MAP7D1: variants seen among roughly 807,000 people sequenced by gnomAD.
MAP7D1 encodes MAP7 domain containing 1, also known as MAP7 domain-containing protein 1.
In MAP7D1, 30 loss-of-function variants were observed where a neutral mutation model predicts 97.5. That is an observed-to-expected ratio of 0.31 (90% CI 0.23 to 0.42). MAP7D1 has a LOEUF of 0.42. Among genes scored for constraint, MAP7D1 ranks in the 10% least tolerant of loss-of-function variants. The pLI, the probability that MAP7D1 is intolerant of heterozygous loss-of-function variation, is 1.00. For missense variants in MAP7D1, 1,184 were observed against 1,179.5 expected (o/e 1.00, Z -0.06); for synonymous variants, 536 against 477.1 (o/e 1.12, Z -1.61).
chr1:36,176,505 G>C lies in MAP7D1; in HGVS notation c.1157G>C (p.Gly386Ala). ...TRSVHRCAPA[G>A]ERGERRKPNA... is the part of the protein sequence containing the mutation. The stretch of plus-strand genomic sequence containing the variant: ...AGCGTGCACCGCTGCGCCCCCGCCG[G>C]TGAGCGCGGGGAGCGCCGCAAGCCC... Residue 386 changes from glycine (G) to alanine (A), a missense_variant, in exon 7 of 17, where the codon GGT (glycine) becomes GCT (alanine). Physicochemically the swap from Gly to Ala is moderately conservative, Grantham distance 60 (BLOSUM62 0). Coordinates refer to ENST00000474796, the MANE Select transcript of MAP7D1 (RefSeq NM_001388490.1). This position sits in a 1 kb window ranked among gnomAD's most constrained non-coding sequence, Gnocchi z 6.1. 7.3e-7 allele frequency: 1 copy of C among 1,377,302 alleles called. No homozygotes were observed. The highest frequency in any genetic ancestry group is 9.4e-7 in the Non-Finnish European group (1 of 1,066,824). The allele number at this position is 1,377,302 out of a possible 1,614,324, so 85.3% of individuals were successfully genotyped here.
At position 36,176,739 on chromosome 1, in the gene MAP7D1, AAGG is replaced by A. The variant is rs945041494; in HGVS notation, c.1279_1281del (p.Glu427del). On this transcript the variant is annotated inframe_deletion, in exon 8 of 17. Coordinates refer to ENST00000474796, the MANE Select transcript of MAP7D1 (RefSeq NM_001388490.1). The surrounding 1 kb of genome is among the most constrained non-coding windows in gnomAD (Gnocchi z 6.1). ...GAAGGACAAGGAGCGGGAAAACGAG[AAGG>A]AGAAGAGTGCCCTAGCCCGGGAGCG... The A allele has an allele frequency of 2.9e-5, 47 of 1,604,788 alleles. No individual in the cohort carries two copies. The highest frequency in any genetic ancestry group is 2.1e-4 in the Admixed American group (12 of 58,394).
At chr1:36,158,071 T>G (rs1414823990) in intron 1 of MAP7D1, among the ~76,000 whole-genome samples, 1 of 151,974 alleles carries the variant, frequency 6.6e-6, no homozygotes, top group Non-Finnish European at 1.5e-5. Context: ...TAGTTTATAA[T>G]TAGGATACTT....
chr1:36,176,875 T>C lies in MAP7D1; in HGVS notation c.1379+33T>C. The C allele has an allele frequency of 6.6e-7, 1 of 1,520,784 alleles. No homozygotes were observed. The highest frequency in any genetic ancestry group is 8.9e-7 in the Non-Finnish European group (1 of 1,119,612). 94.2% of individuals were successfully genotyped at this position (1,520,784 alleles called of 1,614,324 possible). On this transcript the variant is annotated intron_variant, in intron 8 of 16. Coordinates refer to ENST00000474796, the MANE Select transcript of MAP7D1 (RefSeq NM_001388490.1). The surrounding 1 kb of genome is among the most constrained non-coding windows in gnomAD (Gnocchi z 6.1). ...CGGGCGGTGCGAGGGACCCTGCCCC[T>C]CACCGGGTCATTTATTCATCACCCA...
chr1:36,156,388 G>A lies in MAP7D1; in HGVS notation c.-30G>A. ...TGGCCGCCGCCGCCGCCGCCGCTGA[G>A]ACCCCGAGACCCCCAGTGACGCCGC... On this transcript the variant is annotated 5_prime_UTR_variant, in exon 1 of 17. Coordinates refer to ENST00000474796, the MANE Select transcript of MAP7D1 (RefSeq NM_001388490.1). 6.7e-7 allele frequency: 1 copy of A among 1,483,800 alleles called. No homozygotes were observed. Among genetic ancestry groups the A allele is most frequent in the South Asian group, 1.3e-5 (1 of 79,094 alleles). 91.9% of individuals were successfully genotyped at this position (1,483,800 alleles called of 1,614,324 possible).
chr1:36,176,873 C>T lies in MAP7D1; in HGVS notation c.1379+31C>T, dbSNP rs1454252245. The T allele has an allele frequency of 6.5e-7, 1 of 1,532,160 alleles. No individual in the cohort carries two copies. Among genetic ancestry groups the T allele is most frequent in the Non-Finnish European group, 8.9e-7 (1 of 1,128,368 alleles). The allele number at this position is 1,532,160 out of a possible 1,614,324, so 94.9% of individuals were successfully genotyped here. A position where few individuals can be genotyped will look rare whatever the true frequency, so the allele number is the denominator to read the frequency against. On this transcript the variant is annotated intron_variant, in intron 8 of 16. Transcript: ENST00000474796. This position sits in a 1 kb window ranked among gnomAD's most constrained non-coding sequence, Gnocchi z 6.1. Reference sequence around the variant, plus strand: ...CGCGGGCGGTGCGAGGGACCCTGCCCCTCACCGGGTCATTTATTCATCACC... The same window carrying T: ...CGCGGGCGGTGCGAGGGACCCTGCCTCTCACCGGGTCATTTATTCATCACC...
At chr1:36,173,198 AATC>A (rs1324460345) in intron 4 of MAP7D1, among the ~76,000 whole-genome samples, 163 bp from the exon 5 acceptor site, 1 of 152,218 alleles carries the variant, frequency 6.6e-6, no homozygotes, top group African/African-American at 2.4e-5. Context: ...CTTGGTCCTT[AATC>A]ATAGCAAGGA....
chr1:36,166,992 G>A (rs1196805494), intron 1 of MAP7D1, among the ~76,000 whole-genome samples: 2 of 152,102 alleles, frequency 1.3e-5, no homozygotes, highest in African/African-American at 4.8e-5. Flanking sequence ...GTTAAATTGG[G>A]GGCATCTTTG....
chr1:36,161,870 T>TTTTGAATCCCAGTAA, intron 1 of MAP7D1, among the ~76,000 whole-genome samples: 1 of 130,276 alleles, frequency 7.7e-6, no homozygotes, highest in African/African-American at 2.8e-5. Flanking sequence ...TGCATGTGTG[T>TTTTGAATCCCAGTAA]GTGTGTATGT....
At chr1:36,179,385 A>G in intron 13 of MAP7D1, 70 bp downstream of exon 13, 1 of 1,595,536 alleles carries the variant, frequency 6.3e-7, no homozygotes, top group Middle Eastern at 1.7e-4. Context: ...GCGGAAAGGC[A>G]TCCATGGCCA....
At chr1:36,177,565 G>C (rs1644645103) in intron 8 of MAP7D1, 1 of 654,632 alleles carries the variant, frequency 1.5e-6, no homozygotes, top group Non-Finnish European at 2.9e-6. Flanking sequence ...TGAATGAATG[G>C]ACCTGTCAGG....
At chr1:36,179,396 C>T (rs1644683044) in intron 13 of MAP7D1, 81 bp downstream of exon 13, 5 of 1,586,748 alleles carry the variant, frequency 3.2e-6, no homozygotes, top group Non-Finnish European at 3.4e-6. Context: ...TCCATGGCCA[C>T]GGAGAGCGAG....
chr1:36,158,481 A>G (rs1053602282), intron 1 of MAP7D1, among the ~76,000 whole-genome samples: 7 of 152,194 alleles, frequency 4.6e-5, no homozygotes, highest in Admixed American at 4.6e-4. Flanking sequence ...TGTGGAGTAG[A>G]GGACAAGTGT....
At chr1:36,171,429 G>A in intron 2 of MAP7D1, 84 bp from the exon 3 acceptor site, 1 of 1,563,472 alleles carries the variant, frequency 6.4e-7, no homozygotes, top group Non-Finnish European at 8.8e-7. Flanking sequence ...AAAGGATGGG[G>A]TGAGGCCCGG....
Position 36,159,516 on chromosome 1 carries a change from C to T in MAP7D1, c.46+3053C>T, listed in dbSNP as rs1173964112. Among the ~76,000 whole-genome samples, 1 of 152,102 alleles carries T rather than the reference C, an allele frequency of 6.6e-6. No homozygotes were observed. Among genetic ancestry groups the T allele is most frequent in the Non-Finnish European group, 1.5e-5 (1 of 68,040 alleles). ...TCCAGGGAACGGAGGGGCCCCATAC[C>T]TGAAGTGGAACAGTGGGAACAGGAG... On this transcript the variant is annotated intron_variant, in intron 1 of 16. Transcript: ENST00000474796. This position sits in a 1 kb window ranked among gnomAD's most constrained non-coding sequence, Gnocchi z 5.4.
rs377522317 is a variant in MAP7D1 at position 36,180,499 on chromosome 1, T to C, written c.*241T>C. The C allele has an allele frequency of 1.7e-6, 1 of 581,200 alleles. No homozygotes were observed. Among genetic ancestry groups the C allele is most frequent in the South Asian group, 2.0e-5 (1 of 50,812 alleles). 36.0% of individuals were successfully genotyped at this position (581,200 alleles called of 1,614,324 possible). On this transcript the variant is annotated 3_prime_UTR_variant, in exon 17 of 17. Transcript: ENST00000474796. ...ACATCCCTTCTCCCCCATACACACA[T>C]ATACACTCACAGCCTCTCTGGCCTC... is the stretch of plus-strand genomic sequence containing the variant.
Position 36,178,567 on chromosome 1 carries a change from G to A in MAP7D1, c.1857G>A (p.Gln619=), listed in dbSNP as rs766674761. 2.5e-6 allele frequency: 4 copies of A among 1,591,040 alleles called. No homozygotes were observed. In the South Asian group the frequency reaches 4.5e-5, roughly 18 times the overall value. The change falls in exon 10 of 17, where the codon CAG becomes CAA. Residue 619 remains glutamine (Q), a synonymous_variant. Transcript: ENST00000474796. ...GGGAGCAGCGGGAGCGCGAGGAGCA[G>A]GAGCGGAGGCTGCAGGCAGAAAGGG... ...QAREQREREE[Q]ERRLQAERDK... is the part of the protein sequence containing the mutation.
intron 1 of MAP7D1, 63 bp downstream of exon 1, chr1:36,156,526 G>A: frequency 7.7e-7 from 1 of 1,303,100 alleles, no homozygotes; most frequent in Non-Finnish European, 9.9e-7. Context: ...GGCGGCCGAG[G>A]ATGAGGCCGG....
At chr1:36,161,790 G>A (rs1052335095) in intron 1 of MAP7D1, among the ~76,000 whole-genome samples, 2 of 151,932 alleles carry the variant, frequency 1.3e-5, no homozygotes, top group South Asian at 2.1e-4. Flanking sequence ...ACCTGGCCCC[G>A]TACTCTGTGG....
intron 1 of MAP7D1, among the ~76,000 whole-genome samples, chr1:36,160,891 G>C (rs1454126366): frequency 6.6e-6 from 1 of 152,256 alleles, no homozygotes; most frequent in Non-Finnish European, 1.5e-5. Flanking sequence ...GGACCCAGGT[G>C]GTGGTAATAG....
Sources: allele counts gnomAD v4.1 joint callset (sites outside exome capture counted in the v4.1 genomes callset), GRCh38; gene constraint gnomAD v4.1.1; non-coding constraint Gnocchi (gnomAD v3.1); transcripts MANE v1.5; gene names NCBI Gene and HGNC (gene_info 2026-07-23, HGNC 2026-07-21).